RALA: variants seen among roughly 807,000 people sequenced by gnomAD.
RALA encodes ras-related protein Ral-A.
In RALA, 5 loss-of-function variants were observed where a neutral mutation model predicts 24.0. The ratio of observed to expected loss-of-function variants is 0.21; its 90% CI spans 0.11 to 0.44. RALA has a LOEUF of 0.44. Ranked by LOEUF, RALA falls within the 20% of genes least tolerant of loss-of-function variation. The probability of loss-of-function intolerance (pLI) is 0.99; values close to 1 mark genes in which losing one functional copy is unlikely to be tolerated. For missense variants in RALA, 95 were observed against 241.2 expected, an observed-to-expected ratio of 0.39 and a Z score of 4.01; for synonymous variants, 77 against 83.8, an observed-to-expected ratio of 0.92 and a Z score of 0.44.
In RALA at chr7:39,628,598, C is replaced by T. The variant is rs185403829; in HGVS notation, c.-38+4773C>T. Among the ~76,000 whole-genome samples, 10 of 152,346 alleles carry T rather than the reference C, an allele frequency of 6.6e-5. No homozygotes were observed. In the East Asian group the frequency reaches 9.6e-4, roughly 15 times the overall value. ...TGAGACGGAGTCTCGCTCTTTCACC[C>T]GTGCTGGAGTGCAGTGGCGCGATTT... On this transcript the variant is annotated intron_variant, in intron 1 of 4. Coordinates refer to ENST00000005257, the MANE Select transcript of RALA (RefSeq NM_005402.4).
chr7:39,623,646 T>TCTCCTCCTC lies in RALA; in HGVS notation c.-200_-192dup, dbSNP rs1008992438. The TCTCCTCCTC allele has an allele frequency of 1.3e-5, 2 of 152,104 alleles. No homozygotes were observed. Among genetic ancestry groups the TCTCCTCCTC allele is most frequent in the African/African-American group, 2.4e-5 (1 of 40,818 alleles). The allele number at this position is 152,104 out of a possible 1,614,324, so 9.4% of individuals were successfully genotyped here. ...AAAGCGTCGGAGTCCTCCTCCTCCT[T>TCTCCTCCTC]CTCCTCCTCCTCCTCCTCCTCCTCC... On this transcript the variant is annotated 5_prime_UTR_variant, in exon 1 of 5. Coordinates refer to ENST00000005257, the MANE Select transcript of RALA (RefSeq NM_005402.4). The surrounding 1 kb of genome is among the most constrained non-coding windows in gnomAD (Gnocchi z 4.9).
chr7:39,665,066 T>G (rs1444875753), intron 1 of RALA, among the ~76,000 whole-genome samples: 1 of 152,202 alleles, frequency 6.6e-6, no homozygotes, highest in African/African-American at 2.4e-5. Context: ...GAAACATTTT[T>G]AGAAAAATGA....
At chr7:39,641,063 T>A (rs1791807255) in intron 1 of RALA, among the ~76,000 whole-genome samples, 1 of 152,142 alleles carries the variant, frequency 6.6e-6, no homozygotes, top group Admixed American at 6.5e-5. Flanking sequence ...TTTGGCCAGC[T>A]TGAGTCTCAT....
chr7:39,696,639 C>A, intron 3 of RALA, 46 bp from the exon 4 acceptor site: 1 of 1,467,038 alleles, frequency 6.8e-7, no homozygotes. Flanking sequence ...ACTTTCTGTG[C>A]TATCCTTATA....
intron 4 of RALA, among the ~76,000 whole-genome samples, chr7:39,705,064 T>G (rs1031195611): frequency 6.6e-6 from 1 of 152,232 alleles, no homozygotes; most frequent in African/African-American, 2.4e-5. Flanking sequence ...CACTCTTCCT[T>G]GTACCCTCCT....
At chr7:39,680,357 CAA>C (rs1261056178) in intron 1 of RALA, among the ~76,000 whole-genome samples, 1 of 148,480 alleles carries the variant, frequency 6.7e-6, no homozygotes, top group African/African-American at 2.5e-5. Flanking sequence ...GCCTGGGCAA[CAA>C]GAGTGAGACT....
At chr7:39,679,854 C>A (rs1428354091) in intron 1 of RALA, among the ~76,000 whole-genome samples, 1 of 151,912 alleles carries the variant, frequency 6.6e-6, no homozygotes, top group South Asian at 2.1e-4. Flanking sequence ...GGGACTACAG[C>A]CGTGCGCCAC....
At chr7:39,693,103 G>A (rs1206953777) in intron 3 of RALA, among the ~76,000 whole-genome samples, 1 of 152,162 alleles carries the variant, frequency 6.6e-6, no homozygotes, top group Non-Finnish European at 1.5e-5. Context: ...ATGCTGCTAT[G>A]AAGACACATG....
At chr7:39,631,443 T>A (rs1185079068) in intron 1 of RALA, among the ~76,000 whole-genome samples, 1 of 151,336 alleles carries the variant, frequency 6.6e-6, no homozygotes, top group Non-Finnish European at 1.5e-5. Flanking sequence ...ACTGCAGCCT[T>A]GAACTCCTGG....
chr7:39,669,241 T>C (rs1432275008), intron 1 of RALA, among the ~76,000 whole-genome samples: 2 of 152,192 alleles, frequency 1.3e-5, no homozygotes, highest in Non-Finnish European at 2.9e-5. Flanking sequence ...GTACTTGATT[T>C]TAAGATCTTT....
chr7:39,702,675 C>G (rs1793048790), intron 4 of RALA, among the ~76,000 whole-genome samples: 1 of 152,174 alleles, frequency 6.6e-6, no homozygotes, highest in Non-Finnish European at 1.5e-5. Context: ...GAGTACTATT[C>G]AATCATTGAA....
intron 1 of RALA, among the ~76,000 whole-genome samples, chr7:39,634,689 C>T (rs1003574277): frequency 1.3e-5 from 2 of 152,104 alleles, no homozygotes; most frequent in African/African-American, 4.8e-5. Flanking sequence ...TAAGACAATT[C>T]TCGGTGCCTG....
At chr7:39,636,868 C>T (rs1288112557) in intron 1 of RALA, among the ~76,000 whole-genome samples, 1 of 152,080 alleles carries the variant, frequency 6.6e-6, no homozygotes, top group Non-Finnish European at 1.5e-5. Context: ...GGAAGTGCTA[C>T]ACTTTTAAAC....
At chr7:39,669,826 A>AAT (rs398004481) in intron 1 of RALA, among the ~76,000 whole-genome samples, 1 of 150,234 alleles carries the variant, frequency 6.7e-6, no homozygotes, top group African/African-American at 2.4e-5. Flanking sequence ...AAAAAAAAAA[A>AAT]GCCTGCTAGT....
chr7:39,684,155 G>A, intron 1 of RALA, among the ~76,000 whole-genome samples: 1 of 152,168 alleles, frequency 6.6e-6, no homozygotes, highest in East Asian at 1.9e-4. Flanking sequence ...TAATGGTCAT[G>A]TTCTCAATAC....
chr7:39,694,053 C>T (rs1792875659), intron 3 of RALA, among the ~76,000 whole-genome samples: 1 of 152,160 alleles, frequency 6.6e-6, no homozygotes, highest in Non-Finnish European at 1.5e-5. Flanking sequence ...CAGCACTTAC[C>T]AGGACCAGAC....
intron 1 of RALA, among the ~76,000 whole-genome samples, chr7:39,626,458 G>C (rs1289532330): frequency 1.3e-5 from 2 of 152,236 alleles, no homozygotes; most frequent in African/African-American, 4.8e-5. Flanking sequence ...TTCTGACTGA[G>C]CTGGAACTGG....
intron 1 of RALA, among the ~76,000 whole-genome samples, chr7:39,638,172 C>T (rs1202612166): frequency 1.3e-5 from 2 of 152,158 alleles, no homozygotes; most frequent in African/African-American, 4.8e-5. Context: ...GATCACAGCT[C>T]ACTCTAACCT....
intron 1 of RALA, among the ~76,000 whole-genome samples, chr7:39,664,489 T>A (rs1390460940): frequency 1.3e-5 from 2 of 152,168 alleles, no homozygotes; most frequent in Non-Finnish European, 2.9e-5. Flanking sequence ...TGAAGTAGTC[T>A]ACTTGCCACC....
Sources: allele counts gnomAD v4.1 joint callset (sites outside exome capture counted in the v4.1 genomes callset), GRCh38; gene constraint gnomAD v4.1.1; non-coding constraint Gnocchi (gnomAD v3.1); transcripts MANE v1.5; gene names NCBI Gene and HGNC (gene_info 2026-07-23, HGNC 2026-07-21).